Variants in PPHLN1 observed in about 807,000 individuals in gnomAD.
PPHLN1 encodes the protein periphilin 1.
PPHLN1 carries 29 observed loss-of-function variants against 51.3 expected under a neutral mutation model. That is an observed-to-expected ratio of 0.57 (90% confidence interval 0.42 to 0.77). The LOEUF (loss-of-function observed/expected upper bound fraction) is 0.77. PPHLN1 is among the 30% of genes least tolerant of loss of function. PPHLN1 has a pLI of 0.00. For missense variants in PPHLN1, 436 were observed against 438.4 expected (o/e 0.99, Z 0.05); for synonymous variants, 147 against 147.8 (o/e 0.99, Z 0.04).
chr12:42,358,641 A>G (rs1565815558), intron 4 of PPHLN1, among the ~76,000 whole-genome samples: 1 of 152,230 alleles, frequency 6.6e-6, no homozygotes, highest in Non-Finnish European at 1.5e-5. Flanking sequence ...CCTGGGCTCA[A>G]GCGATCCTCC....
intron 9 of PPHLN1, among the ~76,000 whole-genome samples, chr12:42,425,038 T>TTATGTATGTATGTATGTATG (rs71435906): frequency 6.6e-5 from 9 of 136,964 alleles, no homozygotes; most frequent in East Asian, 4.2e-4. Flanking sequence ...TTATTTTATT[T>TTATGTATGTATGTATGTATG]TATGTATGTA....
At chr12:42,341,284 G>T (rs1222045367) in intron 2 of PPHLN1, among the ~76,000 whole-genome samples, 1 of 151,642 alleles carries the variant, frequency 6.6e-6, no homozygotes, top group Non-Finnish European at 1.5e-5. Context: ...CGGCTTCTCC[G>T]TTTTTTCTTA....
chr12:42,348,520 A>G (rs1202022965), intron 2 of PPHLN1, among the ~76,000 whole-genome samples: 2 of 152,108 alleles, frequency 1.3e-5, no homozygotes, highest in Admixed American at 6.5e-5. Context: ...ACTTCTGCCA[A>G]AGTTTTACCA....
intron 9 of PPHLN1, among the ~76,000 whole-genome samples, chr12:42,406,854 G>A (rs2079361270): frequency 6.6e-6 from 1 of 151,952 alleles, no homozygotes; most frequent in Non-Finnish European, 1.5e-5. Context: ...TTGAGTTATA[G>A]TCATCTGAAA....
At chr12:42,337,515 C>T (rs572054304) in intron 2 of PPHLN1, among the ~76,000 whole-genome samples, 4 of 151,904 alleles carry the variant, frequency 2.6e-5, no homozygotes, top group East Asian at 3.9e-4. Context: ...AGGCTGGTCT[C>T]GAACTCCTGA....
At chr12:42,396,890 A>G (rs2078274086) in intron 8 of PPHLN1, among the ~76,000 whole-genome samples, 1 of 151,688 alleles carries the variant, frequency 6.6e-6, no homozygotes, top group Admixed American at 6.6e-5. Context: ...TCCACAAAAA[A>G]TTAGCTGGGC....
chr12:42,355,122 A>C lies in PPHLN1; in HGVS notation c.238-39A>C, dbSNP rs756463993. 1.4e-5 allele frequency: 23 copies of C among 1,590,674 alleles called. No individual in the cohort carries two copies. In the East Asian group the frequency reaches 3.6e-4, roughly 25 times the overall value. On this transcript the variant is annotated intron_variant, in intron 3 of 9. Coordinates refer to ENST00000358314, the MANE Select transcript of PPHLN1 (RefSeq NM_201439.2). ...TAGATATGTCCCACTTGTCCAAAAT[A>C]ATGTAAACAAATAGCTAAGTAGCTT...
At chr12:42,354,100 A>G (rs997750438) in intron 3 of PPHLN1, among the ~76,000 whole-genome samples, 1 of 152,206 alleles carries the variant, frequency 6.6e-6, no homozygotes, top group Admixed American at 6.5e-5. Context: ...GAAAATGATT[A>G]TATTTTATTT....
intron 9 of PPHLN1, 158 bp downstream of exon 9, chr12:42,399,152 C>T (rs1028947763): frequency 5.7e-6 from 8 of 1,408,088 alleles, no homozygotes; most frequent in South Asian, 1.7e-5. Flanking sequence ...ACTTCACAGT[C>T]AGTTTGATCA....
chr12:42,350,936 C>CA (rs1342898720), intron 2 of PPHLN1, among the ~76,000 whole-genome samples: 1 of 151,140 alleles, frequency 6.6e-6, no homozygotes, highest in East Asian at 2.0e-4. Context: ...GCCTCGGCAA[C>CA]AGAGGGAGAC....
At chr12:42,336,002 T>A in intron 2 of PPHLN1, 28 bp downstream of exon 2, 1 of 1,422,816 alleles carries the variant, frequency 7.0e-7, no homozygotes, top group Non-Finnish European at 9.5e-7. Context: ...ATTGAATGAT[T>A]CAAAAACCTG....
chr12:42,433,276 A>T lies in PPHLN1; in HGVS notation c.910-8039A>T, dbSNP rs552238660. ...TCACTAATTTATTTTTTTATATCAG[A>T]TGGTGGAGGTAATCTAACCTCATTA... On this transcript the variant is annotated intron_variant, in intron 9 of 9. Transcript: ENST00000358314. 1.2e-5 allele frequency: 8 copies of T among 665,692 alleles called. No individual in the cohort carries two copies. In the East Asian group the frequency reaches 2.4e-4, roughly 20 times the overall value. The allele number at this position is 665,692 out of a possible 1,614,324, so 41.2% of individuals were successfully genotyped here. A position where few individuals can be genotyped will look rare whatever the true frequency, so the allele number is the denominator to read the frequency against.
At chr12:42,391,713 C>T (rs1485617611) in intron 7 of PPHLN1, among the ~76,000 whole-genome samples, 3 of 151,936 alleles carry the variant, frequency 2.0e-5, no homozygotes, top group Non-Finnish European at 4.4e-5. Context: ...CCTTCTATTA[C>T]TGAGTAATAA....
intron 9 of PPHLN1, among the ~76,000 whole-genome samples, chr12:42,402,678 T>A (rs1181159203): frequency 1.3e-5 from 2 of 152,242 alleles, no homozygotes. Flanking sequence ...GTTTTTTTTT[T>A]AAACCTTCTT....
intron 9 of PPHLN1, among the ~76,000 whole-genome samples, chr12:42,407,894 C>G (rs1366143318): frequency 2.0e-5 from 3 of 152,008 alleles, no homozygotes; most frequent in Non-Finnish European, 4.4e-5. Flanking sequence ...ATTTTTCTCC[C>G]CCAAATATTT....
intron 4 of PPHLN1, among the ~76,000 whole-genome samples, chr12:42,370,687 C>T (rs1379199996): frequency 6.6e-6 from 1 of 152,192 alleles, no homozygotes; most frequent in Non-Finnish European, 1.5e-5. Context: ...CCATTCCTTC[C>T]CATCTTCCCT....
chr12:42,360,847 A>G (rs148011274), intron 4 of PPHLN1, among the ~76,000 whole-genome samples: 133 of 152,104 alleles, frequency 8.7e-4, no homozygotes, highest in South Asian at 1.0e-3. Context: ...CCTTATTGGT[A>G]TAGTTGACTT....
At chr12:42,345,223 A>G (rs865899531) in intron 2 of PPHLN1, among the ~76,000 whole-genome samples, 1 of 152,144 alleles carries the variant, frequency 6.6e-6, no homozygotes, top group Non-Finnish European at 1.5e-5. Context: ...AACGTAAGCA[A>G]ACCAAAGAAT....
chr12:42,406,407 A>T (rs2079313098), intron 9 of PPHLN1, among the ~76,000 whole-genome samples: 2 of 152,126 alleles, frequency 1.3e-5, no homozygotes, highest in Admixed American at 1.3e-4. Flanking sequence ...TACAAATAGA[A>T]TCATATGGAA....
Sources: gnomAD v4.1 joint callset for allele counts (sites outside exome capture counted in the v4.1 genomes callset) on GRCh38, gnomAD v4.1.1 for gene constraint, MANE v1.5 for transcripts, NCBI Gene and HGNC (gene_info 2026-07-23, HGNC 2026-07-21) for gene names.